FAM177A1: variants seen among roughly 807,000 people sequenced by gnomAD.
The protein encoded by FAM177A1 is family with sequence similarity 177 member A1.
In FAM177A1, 22 loss-of-function variants were observed where a neutral mutation model predicts 26.1. That is an observed-to-expected ratio of 0.84 (90% CI 0.60 to 1.20). FAM177A1 has a LOEUF of 1.20. Among genes scored for constraint, FAM177A1 ranks in the 50% most tolerant of loss-of-function variants. The pLI is 0.00. For synonymous variants in FAM177A1, 95 were observed against 99.3 expected, an observed-to-expected ratio of 0.96 and a Z score of 0.26; for missense variants, 296 against 291.1, an observed-to-expected ratio of 1.02 and a Z score of -0.12.
intron 1 of FAM177A1, among the ~76,000 whole-genome samples, chr14:35,049,604 T>A (rs1371972473): frequency 6.6e-6 from 1 of 152,084 alleles, no homozygotes; most frequent in African/African-American, 2.4e-5. Flanking sequence ...GCCAACGTGA[T>A]GAAACCCTCA....
intron 3 of FAM177A1, among the ~76,000 whole-genome samples, chr14:35,077,666 T>C (rs959754274): frequency 3.3e-5 from 5 of 151,656 alleles, no homozygotes; most frequent in Non-Finnish European, 7.4e-5. Flanking sequence ...GTATTTTTAG[T>C]AGAGACGGGG....
chr14:35,054,129 G>A (rs1342374270), intron 2 of FAM177A1, among the ~76,000 whole-genome samples: 1 of 152,072 alleles, frequency 6.6e-6, no homozygotes, highest in Non-Finnish European at 1.5e-5. Context: ...ACAGGAGAAT[G>A]GCATGAACCC....
intron 2 of FAM177A1, among the ~76,000 whole-genome samples, chr14:35,073,642 A>C (rs1165545185): frequency 6.6e-6 from 1 of 152,208 alleles, no homozygotes; most frequent in Non-Finnish European, 1.5e-5. Context: ...ATCCAGGAAA[A>C]GGGTTCTTGT....
At position 35,082,591 on chromosome 14, in the gene FAM177A1, C is replaced by G. The variant is rs1421313916; in HGVS notation, c.*1363C>G. The G allele has an allele frequency of 2.6e-5, 4 of 151,798 alleles. No homozygotes were observed. The highest frequency in any genetic ancestry group is 7.3e-5 in the African/African-American group (3 of 41,336). 9.4% of individuals were successfully genotyped at this position (151,798 alleles called of 1,614,324 possible). Reference sequence around the variant, plus strand: ...TATATCTCTAAATGTGTGTATAGAACCTTTTATCAGTATAACATTGATTTA... The same window carrying G: ...TATATCTCTAAATGTGTGTATAGAAGCTTTTATCAGTATAACATTGATTTA... On this transcript the variant is annotated 3_prime_UTR_variant, in exon 5 of 5. Coordinates refer to ENST00000280987, the MANE Select transcript of FAM177A1 (RefSeq NM_173607.5).
At chr14:35,049,927 G>A (rs1310497317) in intron 1 of FAM177A1, 2 of 152,250 alleles carry the variant, frequency 1.3e-5, no homozygotes, top group South Asian at 2.1e-4. Context: ...TTTGGGGTTC[G>A]TTATGGAATT....
At chr14:35,079,960 C>A (rs1421970693) in intron 4 of FAM177A1, among the ~76,000 whole-genome samples, 3 of 152,130 alleles carry the variant, frequency 2.0e-5, no homozygotes, top group African/African-American at 7.2e-5. Context: ...GGTTTCAAAC[C>A]TGTTTTATGA....
At chr14:35,052,797 C>G (rs899639844) in intron 1 of FAM177A1, among the ~76,000 whole-genome samples, 39 of 152,012 alleles carry the variant, frequency 2.6e-4, no homozygotes, top group African/African-American at 9.4e-4. Flanking sequence ...TGGCATGCTC[C>G]TATAGTCCCA....
rs552492253 is a variant in FAM177A1 at position 35,081,113 on chromosome 14, C to G, written c.596C>G (p.Thr199Arg). The stretch of plus-strand genomic sequence containing the variant: ...TTGCAGACTGATTCCATTGTTCAGA[C>G]AGATCAACCAGAGACAGTGATATCC... ...NKLQTDSIVQ[T>R]DQPETVISSS... The change falls in exon 5 of 5, where the codon ACA becomes AGA. Residue 199 changes from threonine (T) to arginine (R), a missense_variant. By Grantham distance (71) the Thr-to-Arg change is moderately conservative (BLOSUM62 -1). Transcript: ENST00000280987. 5 of 1,613,492 alleles carry G rather than the reference C, an allele frequency of 3.1e-6. No individual in the cohort carries two copies. The African/African-American group carries it at 4.0e-5, about 13-fold the overall frequency.
chr14:35,047,621 C>T (rs1483392330), intron 1 of FAM177A1, among the ~76,000 whole-genome samples: 1 of 152,068 alleles, frequency 6.6e-6, no homozygotes, highest in Non-Finnish European at 1.5e-5. Context: ...TGGTGGCGCT[C>T]GCCTGTAGTC....
intron 2 of FAM177A1, among the ~76,000 whole-genome samples, chr14:35,066,329 A>G (rs930745311): frequency 2.0e-5 from 3 of 152,022 alleles, no homozygotes; most frequent in African/African-American, 4.8e-5. Context: ...TGGCCTCCCA[A>G]AGTGCTGGGA....
chr14:35,065,275 T>A (rs1414256403), intron 2 of FAM177A1, among the ~76,000 whole-genome samples: 1 of 151,200 alleles, frequency 6.6e-6, no homozygotes, highest in East Asian at 1.9e-4. Flanking sequence ...GGAGGGAAAC[T>A]TTAAATATTA....
chr14:35,047,774 A>C (rs1226499282), intron 1 of FAM177A1, among the ~76,000 whole-genome samples: 4 of 117,022 alleles, frequency 3.4e-5, no homozygotes, highest in African/African-American at 1.1e-4. Context: ...CAACAACAAC[A>C]ACAACAACAA....
rs2045102727 is a variant in FAM177A1 at position 35,058,818 on chromosome 14, G to C, written c.339+5367G>C. Among the ~76,000 whole-genome samples, 5 of 152,254 alleles carry C rather than the reference G, an allele frequency of 3.3e-5. No homozygotes were observed. The South Asian group carries it at 1.0e-3, about 32-fold the overall frequency. ...TGGAGCCCAGAAGTTTGAGGCTGCAGTGAACTGGGATCTCACCACTACATT... is the reference window on the plus strand; with the variant it reads ...TGGAGCCCAGAAGTTTGAGGCTGCACTGAACTGGGATCTCACCACTACATT... On this transcript the variant is annotated intron_variant, in intron 2 of 4. Transcript: ENST00000280987.
chr14:35,047,433 A>T (rs1489599093), intron 1 of FAM177A1, among the ~76,000 whole-genome samples: 1 of 152,120 alleles, frequency 6.6e-6, no homozygotes, highest in Non-Finnish European at 1.5e-5. Context: ...GCTAGTGGTT[A>T]CTGTATTGGA....
At chr14:35,070,812 T>C (rs1487053217) in intron 2 of FAM177A1, among the ~76,000 whole-genome samples, 1 of 152,030 alleles carries the variant, frequency 6.6e-6, no homozygotes, top group Non-Finnish European at 1.5e-5. Context: ...ATTATATTAA[T>C]ATGATATAAT....
intron 1 of FAM177A1, among the ~76,000 whole-genome samples, chr14:35,051,067 T>C (rs1002982170): frequency 6.6e-5 from 10 of 152,242 alleles, no homozygotes; most frequent in Non-Finnish European, 1.2e-4. Flanking sequence ...TGACTTTTTT[T>C]CATGTTAATA....
At chr14:35,053,128 G>A in intron 1 of FAM177A1, 150 bp from the exon 2 acceptor site, 1 of 656,778 alleles carries the variant, frequency 1.5e-6, no homozygotes. Context: ...TCCAGCCTGA[G>A]CAATAGAGTG....
Position 35,079,009 on chromosome 14 carries a change from T to A in FAM177A1, c.489T>A (p.Tyr163Ter), listed in dbSNP as rs763116779. 1 of 1,557,120 alleles carries A rather than the reference T, an allele frequency of 6.4e-7. No homozygotes were observed. The highest frequency in any genetic ancestry group is 8.6e-7 in the Non-Finnish European group (1 of 1,162,150). Residue 163 changes from tyrosine (Y) to a stop codon, truncating the protein, a stop_gained, in exon 4 of 5, where the codon TAT becomes TAA. Transcript: ENST00000280987. LOFTEE classifies it high-confidence loss of function. ...PKYQYAIDEYYRMKKEEEEEE... is the reference protein window; with the variant it reads ...PKYQYAIDEY ...ACCAATATGCCATTGATGAATATTA[T>A]CGGATGAAGAAGGAGGTATGCCTCC...
At chr14:35,080,876 A>T in intron 4 of FAM177A1, 146 bp from the exon 5 acceptor site, 11 of 1,134,070 alleles carry the variant, frequency 9.7e-6, no homozygotes, top group Non-Finnish European at 1.3e-5. Context: ...AAGGGAAAGT[A>T]TGTCTTAATT....
Sources: gnomAD v4.1 joint callset for allele counts (sites outside exome capture counted in the v4.1 genomes callset) on GRCh38, gnomAD v4.1.1 for gene constraint, MANE v1.5 for transcripts, NCBI Gene and HGNC (gene_info 2026-07-23, HGNC 2026-07-21) for gene names.